The following UBE3A variants were observed in gnomAD, a reference collection of about 807,000 sequenced individuals.
UBE3A encodes ubiquitin-protein ligase E3A.
In UBE3A, 6 loss-of-function variants were observed where a neutral mutation model predicts 83.4. The observed-to-expected ratio is 0.07, with a 90% CI of 0.04 to 0.14. UBE3A has a LOEUF of 0.14. UBE3A is among the 10% of genes least tolerant of loss of function. The pLI is 1.00. For missense variants in UBE3A, 456 were observed against 1,036.1 expected (o/e 0.44, Z 7.69); for synonymous variants, 337 against 355.4 (o/e 0.95, Z 0.58).
chr15:25,382,188 G>A (rs898440780), intron 4 of UBE3A, among the ~76,000 whole-genome samples: 14 of 152,026 alleles, frequency 9.2e-5, no homozygotes, highest in Non-Finnish European at 2.1e-4. Flanking sequence ...GGGCGCCGTG[G>A]TGGGCGCCTA....
intron 1 of UBE3A, among the ~76,000 whole-genome samples, chr15:25,427,424 G>C (rs570060254): frequency 6.6e-6 from 1 of 151,600 alleles, no homozygotes; most frequent in African/African-American, 2.4e-5. Flanking sequence ...TGACCAAAGG[G>C]GAATGCACAG....
At chr15:25,385,907 C>A (rs1057389425) in intron 4 of UBE3A, among the ~76,000 whole-genome samples, 4 of 152,168 alleles carry the variant, frequency 2.6e-5, no homozygotes, top group African/African-American at 9.7e-5. Context: ...AATTGACCAG[C>A]TTCTCACAGT....
intron 11 of UBE3A, among the ~76,000 whole-genome samples, chr15:25,353,836 A>G (rs184702344): frequency 6.6e-6 from 1 of 152,284 alleles, no homozygotes; most frequent in East Asian, 1.9e-4. Context: ...TTAAAAGCAG[A>G]TAGAACTGGG....
At chr15:25,356,120 A>AT in intron 8 of UBE3A, 64 bp from the exon 9 acceptor site, 14 of 1,571,322 alleles carry the variant, frequency 8.9e-6, no homozygotes, top group Non-Finnish European at 1.2e-5. Context: ...AATAATTTAT[A>AT]TCACTCTTCT....
chr15:25,417,517 G>A (rs1887508266), intron 1 of UBE3A, among the ~76,000 whole-genome samples: 1 of 151,908 alleles, frequency 6.6e-6, no homozygotes, highest in South Asian at 2.1e-4. Flanking sequence ...CAAATTCAGA[G>A]TGAAAAAATT....
chr15:25,346,821 T>C (rs557114633), intron 11 of UBE3A: 52 of 151,904 alleles, frequency 3.4e-4, no homozygotes, highest in African/African-American at 1.2e-3. Context: ...GACTGAAAAA[T>C]GAACCATGCC....
At chr15:25,414,378 T>C (rs1294988939) in intron 1 of UBE3A, among the ~76,000 whole-genome samples, 3 of 152,122 alleles carry the variant, frequency 2.0e-5, no homozygotes, top group East Asian at 3.9e-4. Flanking sequence ...GATGCAGAGG[T>C]AGAAAAACTA....
intron 6 of UBE3A, among the ~76,000 whole-genome samples, chr15:25,367,446 G>A (rs1038192581): frequency 1.3e-5 from 2 of 151,870 alleles, no homozygotes; most frequent in African/African-American, 4.8e-5. Context: ...TGTTTTCTAA[G>A]GAACAATAAC....
intron 1 of UBE3A, among the ~76,000 whole-genome samples, chr15:25,423,337 T>C (rs1385663015): frequency 6.6e-6 from 1 of 152,174 alleles, no homozygotes; most frequent in Non-Finnish European, 1.5e-5. Flanking sequence ...TTTTAAGGAA[T>C]GAAACTTGCT....
intron 7 of UBE3A, among the ~76,000 whole-genome samples, chr15:25,358,990 C>T (rs1279398425): frequency 1.3e-5 from 2 of 152,042 alleles, no homozygotes; most frequent in African/African-American, 4.8e-5. Flanking sequence ...TCACAAATGC[C>T]CTTCCTTGGA....
At chr15:25,410,772 C>T (rs2089832004) in intron 2 of UBE3A, among the ~76,000 whole-genome samples, 2 of 152,162 alleles carry the variant, frequency 1.3e-5, no homozygotes, top group East Asian at 1.9e-4. Flanking sequence ...TAAGAAATAA[C>T]GCAATCTCCC....
At chr15:25,386,445 G>A (rs1235913261) in intron 4 of UBE3A, among the ~76,000 whole-genome samples, 7 of 152,192 alleles carry the variant, frequency 4.6e-5, no homozygotes, top group African/African-American at 1.7e-4. Context: ...GGGCCCTAAC[G>A]AACTGAGTAA....
Position 25,335,470 on chromosome 15 carries a change from T to C in UBE3A, c.*3667A>G, listed in dbSNP as rs960891188. The C allele has an allele frequency of 1.3e-5, 2 of 152,172 alleles. No homozygotes were observed. The highest frequency in any genetic ancestry group is 1.9e-4 in the East Asian group (1 of 5,162). 9.4% of individuals were successfully genotyped at this position (152,172 alleles called of 1,614,324 possible). A position where few individuals can be genotyped will look rare whatever the true frequency, so the allele number is the denominator to read the frequency against. On this transcript the variant is annotated 3_prime_UTR_variant, in exon 13 of 13. Coordinates refer to ENST00000648336, the MANE Select transcript of UBE3A (RefSeq NM_130839.5). ...GGAGATGAGAGTCAGGGAGTGAAAT[T>C]AGGCAGCTGCTAAGAATGTCCGGGT...
intron 6 of UBE3A, among the ~76,000 whole-genome samples, chr15:25,367,279 AT>A (rs924197827): frequency 2.0e-5 from 3 of 148,362 alleles, no homozygotes; most frequent in Admixed American, 6.7e-5. Flanking sequence ...ATATTTACAT[AT>A]TTAAATTAAA....
chr15:25,380,084 A>G, intron 4 of UBE3A, among the ~76,000 whole-genome samples: 1 of 152,094 alleles, frequency 6.6e-6, no homozygotes, highest in Non-Finnish European at 1.5e-5. Context: ...TTCTTGTGGT[A>G]GTAAGTCTCA....
intron 1 of UBE3A, among the ~76,000 whole-genome samples, chr15:25,424,832 C>T (rs1159276885): frequency 6.6e-6 from 1 of 152,046 alleles, no homozygotes; most frequent in Non-Finnish European, 1.5e-5. Flanking sequence ...GACCTGTATA[C>T]TGAAAACTAC....
intron 11 of UBE3A, among the ~76,000 whole-genome samples, chr15:25,341,223 C>T (rs754532073): frequency 1.7e-5 from 2 of 120,250 alleles, no homozygotes; most frequent in African/African-American, 3.2e-5. Context: ...GTGCCTGCCA[C>T]CACGCCTGGC....
At chr15:25,427,851 C>T (rs139087621) in intron 1 of UBE3A, among the ~76,000 whole-genome samples, 15 of 146,372 alleles carry the variant, frequency 1.0e-4, no homozygotes, top group African/African-American at 3.3e-4. Context: ...ATAATTAGGA[C>T]GAATAGACTT....
chr15:25,389,639 G>A (rs1383060158), intron 4 of UBE3A, among the ~76,000 whole-genome samples: 2 of 152,148 alleles, frequency 1.3e-5, no homozygotes, highest in Non-Finnish European at 1.5e-5. Context: ...TCACATCCCA[G>A]CACTTTGGGA....
Sources: gnomAD v4.1 joint callset for allele counts (sites outside exome capture counted in the v4.1 genomes callset) on GRCh38, gnomAD v4.1.1 for gene constraint, MANE v1.5 for transcripts, NCBI Gene and HGNC (gene_info 2026-07-23, HGNC 2026-07-21) for gene names.